Variants in NRXN1 observed in about 807,000 individuals in gnomAD.
NRXN1 encodes neurexin-1.
NRXN1 carries 39 observed loss-of-function variants against 150.9 expected under a neutral mutation model. The observed-to-expected ratio is 0.26, with a 90% CI of 0.20 to 0.34. NRXN1 has a LOEUF of 0.34. NRXN1 is among the 10% of genes least tolerant of loss of function. NRXN1 has a pLI of 1.00. For synonymous variants in NRXN1, 924 were observed against 757.0 expected (o/e 1.22, Z -3.62); for missense variants, 1,815 against 1,949.9 (o/e 0.93, Z 1.30).
chr2:50,490,734 A>T (rs1412154602), intron 15 of NRXN1, among the ~76,000 whole-genome samples: 2 of 152,148 alleles, frequency 1.3e-5, no homozygotes, highest in African/African-American at 4.8e-5. Flanking sequence ...CGGTGGGGCA[A>T]TGGATTAGGG....
chr2:50,439,452 C>T (rs2085729623), intron 17 of NRXN1, among the ~76,000 whole-genome samples: 1 of 152,096 alleles, frequency 6.6e-6, no homozygotes, highest in Non-Finnish European at 1.5e-5. Context: ...CATGCAGTAG[C>T]AGTTCTGACA....
chr2:50,449,546 G>A (rs1043419724), intron 17 of NRXN1, among the ~76,000 whole-genome samples: 1 of 152,080 alleles, frequency 6.6e-6, no homozygotes, highest in Non-Finnish European at 1.5e-5. Flanking sequence ...TGTGGGGGAG[G>A]GAAGGTCTGT....
At chr2:50,196,827 T>A (rs2061800896) in intron 18 of NRXN1, among the ~76,000 whole-genome samples, 1 of 152,172 alleles carries the variant, frequency 6.6e-6, no homozygotes, top group Non-Finnish European at 1.5e-5. Flanking sequence ...AAATACTGCA[T>A]GTTCTCACTT....
chr2:50,238,669 A>C (rs1016697618), intron 17 of NRXN1, among the ~76,000 whole-genome samples: 8 of 152,044 alleles, frequency 5.3e-5, no homozygotes, highest in Non-Finnish European at 1.2e-4. Flanking sequence ...GTGTACATTT[A>C]ATTAAACAGC....
At chr2:49,954,087 G>A (rs551635740) in intron 21 of NRXN1, among the ~76,000 whole-genome samples, 3 of 151,984 alleles carry the variant, frequency 2.0e-5, no homozygotes, top group African/African-American at 4.8e-5. Flanking sequence ...GGAGAGCTCC[G>A]GATAGTGCTT....
intron 21 of NRXN1, among the ~76,000 whole-genome samples, chr2:49,993,559 T>C (rs1429617467): frequency 6.6e-6 from 1 of 152,156 alleles, no homozygotes; most frequent in Non-Finnish European, 1.5e-5. Context: ...TTGATTATGA[T>C]GTGTCAATGC....
At chr2:50,584,608 T>C (rs536150900) in intron 8 of NRXN1, among the ~76,000 whole-genome samples, 1 of 152,352 alleles carries the variant, frequency 6.6e-6, no homozygotes, top group African/African-American at 2.4e-5. Flanking sequence ...ATCAAATGAC[T>C]TAGCAAAGTG....
At chr2:50,732,797 T>C (rs1698262353) in intron 5 of NRXN1, among the ~76,000 whole-genome samples, 1 of 152,138 alleles carries the variant, frequency 6.6e-6, no homozygotes, top group Non-Finnish European at 1.5e-5. Context: ...TTTATATCTA[T>C]AGCATCCGGC....
chr2:50,582,506 T>TAAAAAAA (rs1672433173), intron 8 of NRXN1, among the ~76,000 whole-genome samples: 1 of 118,886 alleles, frequency 8.4e-6, no homozygotes, highest in Non-Finnish European at 1.8e-5. Context: ...AAAAAAAAAT[T>TAAAAAAA]ATTTACCAGG....
At chr2:50,819,793 G>C (rs551697005) in intron 5 of NRXN1, among the ~76,000 whole-genome samples, 2 of 151,906 alleles carry the variant, frequency 1.3e-5, no homozygotes, top group South Asian at 2.1e-4. Context: ...ATTAAAAAAA[G>C]AAAAATCCTT....
At chr2:50,677,988 A>C (rs887396347) in intron 5 of NRXN1, among the ~76,000 whole-genome samples, 7 of 152,154 alleles carry the variant, frequency 4.6e-5, no homozygotes, top group Non-Finnish European at 1.0e-4. Context: ...ATTTTCCTTC[A>C]TTAAAAAAAT....
intron 17 of NRXN1, among the ~76,000 whole-genome samples, chr2:50,249,803 A>G (rs928609332): frequency 6.6e-6 from 1 of 151,882 alleles, no homozygotes. Flanking sequence ...ATGGCTGTCA[A>G]ATTTTTATAT....
intron 17 of NRXN1, among the ~76,000 whole-genome samples, chr2:50,355,257 A>C (rs910197512): frequency 7.2e-6 from 1 of 139,180 alleles, no homozygotes; most frequent in Non-Finnish European, 1.5e-5. Flanking sequence ...ATATATATAC[A>C]TATATATACA....
chr2:50,586,567 TA>T (rs145046699), intron 8 of NRXN1, among the ~76,000 whole-genome samples: 11,457 of 148,278 alleles, frequency 0.077, 553 homozygotes, highest in South Asian at 0.19. Flanking sequence ...TTCAATATAT[TA>T]AAAAAAAAAG....
chr2:50,978,468 T>A (rs977664611), intron 2 of NRXN1, among the ~76,000 whole-genome samples: 3 of 151,274 alleles, frequency 2.0e-5, no homozygotes, highest in African/African-American at 7.3e-5. Flanking sequence ...ATATTTTCAA[T>A]TACCATACCA....
chr2:50,985,520 A>C (rs1266332677), intron 2 of NRXN1: 1 of 151,824 alleles, frequency 6.6e-6, no homozygotes, highest in Non-Finnish European at 1.5e-5. Flanking sequence ...TGAAAAATAC[A>C]ATGTTTTAAG....
At chr2:50,956,603 C>T (rs1692323052) in intron 2 of NRXN1, among the ~76,000 whole-genome samples, 1 of 151,938 alleles carries the variant, frequency 6.6e-6, no homozygotes, top group African/African-American at 2.4e-5. Flanking sequence ...CAAAAATTAG[C>T]TGGGTGTGGT....
At chr2:50,686,135 A>G (rs951501613) in intron 5 of NRXN1, among the ~76,000 whole-genome samples, 7 of 152,180 alleles carry the variant, frequency 4.6e-5, no homozygotes, top group African/African-American at 1.7e-4. Flanking sequence ...GCCTTCTAGC[A>G]AAAAACAAAC....
At chr2:50,496,741 A>C (rs2091652019) in intron 14 of NRXN1, among the ~76,000 whole-genome samples, 2 of 152,160 alleles carry the variant, frequency 1.3e-5, no homozygotes, top group South Asian at 4.1e-4. Context: ...AAGTATATAT[A>C]TTTATATCCG....
Sources: gnomAD v4.1 joint callset for allele counts (sites outside exome capture counted in the v4.1 genomes callset) on GRCh38, gnomAD v4.1.1 for gene constraint, MANE v1.5 for transcripts, NCBI Gene and HGNC (gene_info 2026-07-23, HGNC 2026-07-21) for gene names.